NTRK2: variants seen among roughly 807,000 people sequenced by gnomAD.
NTRK2 encodes neurotrophic receptor tyrosine kinase 2.
A neutral mutation model predicts 94.5 loss-of-function variants in NTRK2; 13 were observed. The observed-to-expected ratio is 0.14, with a 90% confidence interval of 0.09 to 0.22. The LOEUF (loss-of-function observed/expected upper bound fraction) is 0.22, where lower values mean the gene tolerates loss of function less well. Ranked by LOEUF, NTRK2 falls within the 10% of genes least tolerant of loss-of-function variation. NTRK2 has a pLI of 1.00. For synonymous variants in NTRK2, 372 were observed against 407.4 expected (o/e 0.91, Z 1.05); for missense variants, 639 against 1,071.2 (o/e 0.60, Z 5.63).
chr9:84,852,588 A>G (rs1384646674), intron 12 of NTRK2, among the ~76,000 whole-genome samples: 1 of 152,144 alleles, frequency 6.6e-6, no homozygotes, highest in East Asian at 1.9e-4. Flanking sequence ...TTTTTCACCT[A>G]CCCAGTGAAG....
At chr9:84,829,431 G>C (rs1013436339) in intron 12 of NTRK2, among the ~76,000 whole-genome samples, 2 of 152,160 alleles carry the variant, frequency 1.3e-5, no homozygotes, top group African/African-American at 4.8e-5. Context: ...TCTGAGGGCA[G>C]GTTCACTCTA....
intron 17 of NTRK2, among the ~76,000 whole-genome samples, chr9:85,013,352 G>A (rs139448053): frequency 6.6e-6 from 1 of 152,270 alleles, no homozygotes; most frequent in Non-Finnish European, 1.5e-5. Context: ...ACCCAGGCTG[G>A]AATGCAGTGG....
Position 84,926,153 on chromosome 9 carries a change from CCTTCCTTCCTTCCTTCCTTT to C in NTRK2, c.1634-8005_1634-7986del, listed in dbSNP as rs1564470911. Among the ~76,000 whole-genome samples, 695 of 90,686 alleles carry C rather than the reference CCTTCCTTCCTTCCTTCCTTT, an allele frequency of 7.7e-3. 3 individuals are homozygous for C. Among genetic ancestry groups the C allele is most frequent in the African/African-American group, 0.01 (267 of 25,642 alleles). 59.5% of individuals were successfully genotyped at this position (90,686 alleles called of 152,430 possible). On this transcript the variant is annotated intron_variant, in intron 14 of 18. Transcript: ENST00000277120. The stretch of plus-strand genomic sequence containing the variant: ...TCCTTCCTTCCTTCCTTCCTTCCTT[CCTTCCTTCCTTCCTTCCTTT>C]CTTTCTTTCTTTCTTTCTTTCTTTC...
At chr9:84,732,966 C>T (rs2062993864) in intron 9 of NTRK2, among the ~76,000 whole-genome samples, 1 of 152,188 alleles carries the variant, frequency 6.6e-6, no homozygotes, top group Non-Finnish European at 1.5e-5. Context: ...CAGGACCTGA[C>T]TCCCCACAAA....
intron 14 of NTRK2, among the ~76,000 whole-genome samples, chr9:84,890,343 CA>C (rs1299355959): frequency 6.6e-6 from 1 of 152,204 alleles, no homozygotes; most frequent in African/African-American, 2.4e-5. Flanking sequence ...GTGACAGGCT[CA>C]GAGCCAGACT....
chr9:84,815,275 A>G, intron 12 of NTRK2: 1 of 1,053,126 alleles, frequency 9.5e-7, no homozygotes, highest in Non-Finnish European at 1.1e-6. Flanking sequence ...ACCAACCCCC[A>G]CCCCTAACTA....
At chr9:84,854,180 G>A (rs1451510904) in intron 12 of NTRK2, among the ~76,000 whole-genome samples, 1 of 152,114 alleles carries the variant, frequency 6.6e-6, no homozygotes, top group East Asian at 1.9e-4. Flanking sequence ...GGAGTTGGAG[G>A]GTAAATGACC....
chr9:84,812,249 T>C, intron 12 of NTRK2: 2 of 1,056,440 alleles, frequency 1.9e-6, no homozygotes, highest in Non-Finnish European at 2.3e-6. Context: ...TATTTTATAC[T>C]GCATCCTTTA....
intron 12 of NTRK2, chr9:84,810,932 G>A: frequency 8.6e-7 from 1 of 1,159,116 alleles, no homozygotes; most frequent in Non-Finnish European, 1.1e-6. Context: ...GACCCTACTG[G>A]ACATTTATTG....
At chr9:84,814,910 G>C in intron 12 of NTRK2, 1 of 1,060,744 alleles carries the variant, frequency 9.4e-7, no homozygotes, top group Non-Finnish European at 1.1e-6. Flanking sequence ...ACTCTATTAA[G>C]TGTGTTCTGC....
At chr9:85,003,651 G>T (rs1412622246) in intron 17 of NTRK2, among the ~76,000 whole-genome samples, 1 of 152,102 alleles carries the variant, frequency 6.6e-6, no homozygotes, top group Non-Finnish European at 1.5e-5. Flanking sequence ...AAGCAGGGGA[G>T]TGATGAGATC....
intron 4 of NTRK2, among the ~76,000 whole-genome samples, chr9:84,706,527 G>GTTTTTTTTTTT (rs71369141): frequency 1.1e-4 from 9 of 81,674 alleles, no homozygotes; most frequent in East Asian, 3.9e-4. Context: ...TTTTGTTTTT[G>GTTTTTTTTTTT]TTTTTTTTTT....
In NTRK2 at chr9:85,025,933, A is replaced by G. The variant is rs1833010492; in HGVS notation, c.*4496A>G. On this transcript the variant is annotated 3_prime_UTR_variant, in exon 19 of 19. Transcript: ENST00000277120. Reference sequence around the variant, plus strand: ...TGAGGGGTGGGAGGGATTTATAGTTAGAAACGACAGTGCAGGAAGGGGTAT... The same window carrying G: ...TGAGGGGTGGGAGGGATTTATAGTTGGAAACGACAGTGCAGGAAGGGGTAT... The G allele has an allele frequency of 8.6e-6, 2 of 232,880 alleles. 1 individual carries two copies. Among genetic ancestry groups the G allele is most frequent in the Non-Finnish European group, 1.7e-5 (2 of 117,816 alleles). The allele number at this position is 232,880 out of a possible 1,614,324, so 14.4% of individuals were successfully genotyped here. A position where few individuals can be genotyped will look rare whatever the true frequency, so the allele number is the denominator to read the frequency against.
At chr9:84,766,518 A>G (rs1020707749) in intron 12 of NTRK2, among the ~76,000 whole-genome samples, 2 of 152,088 alleles carry the variant, frequency 1.3e-5, no homozygotes, top group African/African-American at 4.8e-5. Context: ...TATTAAATTA[A>G]TTTCTTATAC....
chr9:84,766,535 A>G (rs569621374), intron 12 of NTRK2, among the ~76,000 whole-genome samples: 7 of 152,300 alleles, frequency 4.6e-5, no homozygotes, highest in Middle Eastern at 3.4e-3. Flanking sequence ...ATACTGAAGC[A>G]TGACTGAAGG....
chr9:84,992,561 C>T (rs1347494154), intron 17 of NTRK2, among the ~76,000 whole-genome samples: 1 of 152,098 alleles, frequency 6.6e-6, no homozygotes, highest in Non-Finnish European at 1.5e-5. Flanking sequence ...CCACACTGTG[C>T]CCATTGTCTG....
intron 12 of NTRK2, among the ~76,000 whole-genome samples, chr9:84,858,223 C>A (rs939274656): frequency 6.6e-6 from 1 of 152,082 alleles, no homozygotes; most frequent in African/African-American, 2.4e-5. Flanking sequence ...CCTCCTTAAC[C>A]AATCTCTTGC....
intron 12 of NTRK2, among the ~76,000 whole-genome samples, chr9:84,758,739 T>C (rs1191093542): frequency 6.6e-6 from 1 of 152,182 alleles, no homozygotes; most frequent in Non-Finnish European, 1.5e-5. Flanking sequence ...TCCTCTCTTT[T>C]TCAGAGACGT....
At chr9:84,756,313 G>T (rs72737685) in intron 12 of NTRK2, among the ~76,000 whole-genome samples, 3 of 152,136 alleles carry the variant, frequency 2.0e-5, no homozygotes, top group Admixed American at 1.3e-4. Flanking sequence ...TTTAGCTCTC[G>T]CATTGCTTCC....
Sources: allele counts gnomAD v4.1 joint callset (sites outside exome capture counted in the v4.1 genomes callset), GRCh38; gene constraint gnomAD v4.1.1; transcripts MANE v1.5; gene names NCBI Gene and HGNC (gene_info 2026-07-23, HGNC 2026-07-21).